The following SCRG1 variants were observed in gnomAD, a reference collection of about 807,000 sequenced individuals.
SCRG1 encodes stimulator of chondrogenesis 1.
A neutral mutation model predicts 7.7 loss-of-function variants in SCRG1; 3 were observed. That is an observed-to-expected ratio of 0.39 (90% CI 0.18 to 1.01). SCRG1 has a LOEUF of 1.01. SCRG1 is among the 50% of genes least tolerant of loss of function. The pLI is 0.36. For missense variants in SCRG1, 110 were observed against 117.2 expected (o/e 0.94, Z 0.28); for synonymous variants, 46 against 41.2 (o/e 1.12, Z -0.44).
At chr4:173,451,933 CA>C in the SCRG1 span, among the ~76,000 whole-genome samples, 1 of 152,126 alleles carries the variant, frequency 6.6e-6, no homozygotes, top group Non-Finnish European at 1.5e-5. Flanking sequence ...GTAGCTCTTG[CA>C]AGAAGATCTT....
the SCRG1 span, among the ~76,000 whole-genome samples, chr4:173,422,968 A>G: frequency 6.6e-6 from 1 of 152,196 alleles, no homozygotes; most frequent in African/African-American, 2.4e-5. Flanking sequence ...TTTTATAAAA[A>G]GCAGTCTCCA....
the SCRG1 span, among the ~76,000 whole-genome samples, chr4:173,416,651 A>T: frequency 6.6e-6 from 1 of 152,130 alleles, no homozygotes; most frequent in Non-Finnish European, 1.5e-5. Flanking sequence ...TTTTAATTGT[A>T]AAAGTTTGAA....
the SCRG1 span, among the ~76,000 whole-genome samples, chr4:173,412,106 T>C: frequency 2.0e-5 from 3 of 152,122 alleles, no homozygotes; most frequent in South Asian, 6.2e-4. Context: ...TTGGTCTTCT[T>C]ATATCATGCT....
At position 173,387,684 on chromosome 4, in the gene SCRG1, C is replaced by T. The variant is rs1156732904; in HGVS notation, c.*657G>A. Reference sequence around the variant, plus strand: ...AAGTTATTAGCATACATAATATACCCTCAAATATTGTTCCCTTTTCCTTTT... The same window carrying T: ...AAGTTATTAGCATACATAATATACCTTCAAATATTGTTCCCTTTTCCTTTT... On this transcript the variant is annotated 3_prime_UTR_variant, in exon 3 of 3. Coordinates refer to ENST00000296506, the MANE Select transcript of SCRG1 (RefSeq NM_007281.4). 1 of 150,102 alleles carries T rather than the reference C, an allele frequency of 6.7e-6. No individual in the cohort carries two copies. Among genetic ancestry groups the T allele is most frequent in the Admixed American group, 6.7e-5 (1 of 14,928 alleles). 9.3% of individuals were successfully genotyped at this position (150,102 alleles called of 1,614,324 possible).
chr4:173,496,872 T>C, the SCRG1 span, among the ~76,000 whole-genome samples: 1 of 152,076 alleles, frequency 6.6e-6, no homozygotes, highest in East Asian at 1.9e-4. Context: ...TTTGGGAGGC[T>C]GAGGCAGGCG....
chr4:173,484,110 T>C, the SCRG1 span, among the ~76,000 whole-genome samples: 1 of 85,350 alleles, frequency 1.2e-5, no homozygotes, highest in Admixed American at 2.2e-4. Context: ...TAATATATAA[T>C]ATATAATATA....
At chr4:173,426,683 G>A in the SCRG1 span, among the ~76,000 whole-genome samples, 1 of 152,158 alleles carries the variant, frequency 6.6e-6, no homozygotes, top group African/African-American at 2.4e-5. Context: ...TTCCCATGCT[G>A]GTCTTGAACT....
chr4:173,453,096 C>A, the SCRG1 span, among the ~76,000 whole-genome samples: 2 of 152,178 alleles, frequency 1.3e-5, no homozygotes, highest in African/African-American at 4.8e-5. Context: ...GCCCCAATTC[C>A]CACCAGGTGA....
the SCRG1 span, among the ~76,000 whole-genome samples, chr4:173,484,413 TAA>T: frequency 1.7e-4 from 12 of 71,228 alleles, no homozygotes; most frequent in African/African-American, 6.4e-4. Flanking sequence ...TATATACATA[TAA>T]TATATATTAT....
upstream of SCRG1, among the ~76,000 whole-genome samples, chr4:173,402,497 A>G (rs1232522790): frequency 1.3e-5 from 2 of 151,918 alleles, no homozygotes; most frequent in Non-Finnish European, 2.9e-5. Context: ...TGAGAAAAAC[A>G]CCAAAAAACA....
chr4:173,427,439 A>AT, the SCRG1 span, among the ~76,000 whole-genome samples: 1 of 152,264 alleles, frequency 6.6e-6, no homozygotes. Context: ...CAGAACCATC[A>AT]TGTTTATAAA....
chr4:173,450,177 A>G, the SCRG1 span, among the ~76,000 whole-genome samples: 1 of 152,200 alleles, frequency 6.6e-6, no homozygotes, highest in Non-Finnish European at 1.5e-5. Flanking sequence ...AAGCAAGCAC[A>G]GGGGAAATTG....
the SCRG1 span, among the ~76,000 whole-genome samples, chr4:173,474,481 A>G: frequency 2.6e-5 from 4 of 152,218 alleles, no homozygotes; most frequent in African/African-American, 9.6e-5. Flanking sequence ...ATGAAGTGGG[A>G]AAAAGAGTCA....
chr4:173,513,395 C>A, the SCRG1 span, among the ~76,000 whole-genome samples: 7 of 152,238 alleles, frequency 4.6e-5, no homozygotes, highest in African/African-American at 9.6e-5. Context: ...ATTACTCCCC[C>A]CTTTTTTATT....
At chr4:173,414,316 A>G in the SCRG1 span, among the ~76,000 whole-genome samples, 28 of 152,328 alleles carry the variant, frequency 1.8e-4, no homozygotes, top group South Asian at 5.6e-3. Flanking sequence ...TTTAAAATCA[A>G]CAGAGGATAA....
chr4:173,479,435 G>GTTTTTTTTTTTTTTT, the SCRG1 span, among the ~76,000 whole-genome samples: 1 of 125,928 alleles, frequency 7.9e-6, no homozygotes, highest in Non-Finnish European at 1.7e-5. Context: ...TTGTTTGTTT[G>GTTTTTTTTTTTTTTT]TTTTTTTGTT....
the SCRG1 span, among the ~76,000 whole-genome samples, chr4:173,454,887 G>A: frequency 6.6e-6 from 1 of 152,148 alleles, no homozygotes; most frequent in Admixed American, 6.5e-5. Context: ...ACAACCAAAT[G>A]GCTTAAACAG....
the SCRG1 span, among the ~76,000 whole-genome samples, chr4:173,496,878 A>C: frequency 1.3e-5 from 2 of 152,110 alleles, no homozygotes; most frequent in Non-Finnish European, 2.9e-5. Flanking sequence ...AGGCTGAGGC[A>C]GGCGGATCAC....
intron 1 of SCRG1, among the ~76,000 whole-genome samples, chr4:173,394,561 T>G (rs1471737633): frequency 1.3e-5 from 2 of 152,120 alleles, no homozygotes; most frequent in Non-Finnish European, 2.9e-5. Context: ...GGAGAATCAC[T>G]TGAACCCAGG....
Sources: gnomAD v4.1 joint callset for allele counts (sites outside exome capture counted in the v4.1 genomes callset) on GRCh38, gnomAD v4.1.1 for gene constraint, MANE v1.5 for transcripts, NCBI Gene and HGNC (gene_info 2026-07-23, HGNC 2026-07-21) for gene names.